The following EPHB1 variants were observed in gnomAD, a reference collection of about 807,000 sequenced individuals.
EPHB1 encodes the protein EPH receptor B1, also known as ephrin type-B receptor 1.
EPHB1 carries 30 observed loss-of-function variants against 94.4 expected under a neutral mutation model. That is an observed-to-expected ratio of 0.32 (90% CI 0.24 to 0.43). The LOEUF (loss-of-function observed/expected upper bound fraction) is 0.43. Ranked by LOEUF, EPHB1 falls within the 20% of genes least tolerant of loss-of-function variation. The pLI, the probability that EPHB1 is intolerant of heterozygous loss-of-function variation, is 1.00. For synonymous variants in EPHB1, 522 were observed against 489.1 expected (o/e 1.07, Z -0.89); for missense variants, 1,055 against 1,308.3 (o/e 0.81, Z 2.99).
chr3:135,017,432 A>T (rs1935839002), intron 3 of EPHB1, among the ~76,000 whole-genome samples: 1 of 152,152 alleles, frequency 6.6e-6, no homozygotes, highest in African/African-American at 2.4e-5. Context: ...GAGAGAATAA[A>T]TCATTATTTC....
chr3:134,884,809 C>T (rs2037829690), intron 1 of EPHB1, among the ~76,000 whole-genome samples: 1 of 152,162 alleles, frequency 6.6e-6, no homozygotes, highest in Admixed American at 6.5e-5. Flanking sequence ...AAGGGAGGCA[C>T]CAAACTGATG....
chr3:134,808,296 C>T (rs539863130), intron 1 of EPHB1, among the ~76,000 whole-genome samples: 2 of 152,286 alleles, frequency 1.3e-5, no homozygotes, highest in East Asian at 3.9e-4. Flanking sequence ...CCCTTGGGTC[C>T]TGAGCCTCTC....
At chr3:134,957,731 G>T (rs1207565365) in intron 3 of EPHB1, among the ~76,000 whole-genome samples, 1 of 152,174 alleles carries the variant, frequency 6.6e-6, no homozygotes, top group East Asian at 1.9e-4. Flanking sequence ...TCTTAAGAAT[G>T]CCAGGGGTAC....
chr3:135,191,207 TG>T (rs1328380243), intron 10 of EPHB1, among the ~76,000 whole-genome samples: 1 of 152,110 alleles, frequency 6.6e-6, no homozygotes, highest in Admixed American at 6.5e-5. Context: ...GTGTTGTAAA[TG>T]ATATTTATCT....
rs548459681 is a variant in EPHB1 at position 135,128,532 on chromosome 3, G to A, written c.962-4182G>A. Among the ~76,000 whole-genome samples the A allele has an allele frequency of 2.0e-5, 3 of 152,322 alleles. No individual in the cohort carries two copies. In the South Asian group the frequency reaches 6.2e-4, roughly 32 times the overall value. On this transcript the variant is annotated intron_variant, in intron 4 of 15. Coordinates refer to ENST00000398015, the MANE Select transcript of EPHB1 (RefSeq NM_004441.5). ...ATCATTTTAACCACCCAGACATGAG[G>A]CCCTGGCTTGCCAGCCCTGGAGCGG...
chr3:134,950,606 A>G (rs1932989407), intron 2 of EPHB1, among the ~76,000 whole-genome samples: 1 of 152,166 alleles, frequency 6.6e-6, no homozygotes, highest in African/African-American at 2.4e-5. Context: ...ATGGTGAGAG[A>G]TGGAGCAAGA....
chr3:135,214,016 C>G (rs1576473537), intron 12 of EPHB1, among the ~76,000 whole-genome samples: 1 of 152,126 alleles, frequency 6.6e-6, no homozygotes, highest in Admixed American at 6.5e-5. Context: ...CAGCTCCTTC[C>G]TCTTGTCTCA....
intron 3 of EPHB1, among the ~76,000 whole-genome samples, chr3:135,042,485 GA>G (rs916668978): frequency 7.9e-5 from 12 of 151,706 alleles, no homozygotes; most frequent in East Asian, 3.9e-4. Flanking sequence ...ATGAGTATAT[GA>G]AAAAAAAATT....
intron 3 of EPHB1, among the ~76,000 whole-genome samples, chr3:135,015,254 T>A (rs961002754): frequency 5.9e-5 from 9 of 152,076 alleles, no homozygotes; most frequent in Non-Finnish European, 1.0e-4. Flanking sequence ...TGGTTTTTTT[T>A]TTTTGAGATG....
At chr3:135,168,494 A>G (rs1158186809) in intron 9 of EPHB1, among the ~76,000 whole-genome samples, 1 of 152,112 alleles carries the variant, frequency 6.6e-6, no homozygotes, top group African/African-American at 2.4e-5. Context: ...TTGCTGCATA[A>G]TCTACAGGAT....
chr3:134,938,647 A>G lies in EPHB1; in HGVS notation c.124-12724A>G, dbSNP rs577764161. 2.6e-5 allele frequency among the ~76,000 whole-genome samples: 4 copies of G among 152,316 alleles called. No homozygotes were observed. In the South Asian group the frequency reaches 8.3e-4, roughly 32 times the overall value. On this transcript the variant is annotated intron_variant, in intron 2 of 15. Transcript: ENST00000398015. ...AGGGAGAGTGGAATTCCAAGAAAAA[A>G]ATAACTGATGTGCACTCAGAGAGAG...
intron 1 of EPHB1, among the ~76,000 whole-genome samples, chr3:134,881,143 G>A (rs975030184): frequency 6.6e-6 from 1 of 152,076 alleles, no homozygotes; most frequent in Non-Finnish European, 1.5e-5. Flanking sequence ...TGTGCTAGTT[G>A]TGGGAGGATC....
intron 1 of EPHB1, among the ~76,000 whole-genome samples, chr3:134,860,261 G>T (rs73214883): frequency 0.053 from 8,020 of 151,638 alleles, 245 homozygotes; most frequent in South Asian, 0.11. Context: ...GAGCATCTCC[G>T]CCATACTCAG....
chr3:134,813,272 A>G (rs533632111), intron 1 of EPHB1, among the ~76,000 whole-genome samples: 5 of 152,228 alleles, frequency 3.3e-5, no homozygotes, highest in Admixed American at 2.6e-4. Context: ...TTTCCCATAC[A>G]TTCCCTCCAG....
chr3:135,073,514 T>C (rs1372109837), intron 3 of EPHB1, among the ~76,000 whole-genome samples: 1 of 152,194 alleles, frequency 6.6e-6, no homozygotes, highest in Admixed American at 6.5e-5. Flanking sequence ...ATTTTATCAG[T>C]AAATATTTCA....
intron 3 of EPHB1, among the ~76,000 whole-genome samples, chr3:135,022,791 G>C (rs139225015): frequency 1.9e-3 from 288 of 152,188 alleles, no homozygotes; most frequent in African/African-American, 6.6e-3. Flanking sequence ...GCATTTAAAT[G>C]GGTTTTATTA....
intron 12 of EPHB1, among the ~76,000 whole-genome samples, chr3:135,234,490 T>C (rs532909940): frequency 7.9e-5 from 12 of 152,308 alleles, no homozygotes; most frequent in Admixed American, 7.2e-4. Context: ...TGCCTGTTAC[T>C]CAGTTCCAAA....
chr3:134,933,663 G>C (rs2038944947), intron 2 of EPHB1, among the ~76,000 whole-genome samples: 1 of 152,160 alleles, frequency 6.6e-6, no homozygotes, highest in South Asian at 2.1e-4. Flanking sequence ...CGGAGCAGCT[G>C]GTAAATTGCC....
intron 3 of EPHB1, among the ~76,000 whole-genome samples, chr3:135,009,170 G>A (rs1041571672): frequency 1.3e-5 from 2 of 152,210 alleles, no homozygotes; most frequent in Non-Finnish European, 2.9e-5. Flanking sequence ...ACCAGGAAAG[G>A]TTTGAGGCCC....
Sources: allele counts gnomAD v4.1 joint callset (sites outside exome capture counted in the v4.1 genomes callset), GRCh38; gene constraint gnomAD v4.1.1; transcripts MANE v1.5; gene names NCBI Gene and HGNC (gene_info 2026-07-23, HGNC 2026-07-21).